SOS1: variants seen among roughly 807,000 people sequenced by gnomAD.
SOS1 encodes the protein son of sevenless homolog 1.
A neutral mutation model predicts 157.6 loss-of-function variants in SOS1; 25 were observed. That is an observed-to-expected ratio of 0.16 (90% confidence interval 0.12 to 0.22). SOS1 has a LOEUF of 0.22. Among genes scored for constraint, SOS1 ranks in the 10% least tolerant of loss-of-function variants. The pLI, the probability that SOS1 is intolerant of heterozygous loss-of-function variation, is 1.00. For synonymous variants in SOS1, 528 were observed against 534.0 expected, an observed-to-expected ratio of 0.99 and a Z score of 0.16; for missense variants, 1,237 against 1,599.1, an observed-to-expected ratio of 0.77 and a Z score of 3.86.
At chr2:38,986,766 TTTTG>T (rs1668573404) in intron 22 of SOS1, among the ~76,000 whole-genome samples, 1 of 152,164 alleles carries the variant, frequency 6.6e-6, no homozygotes, top group African/African-American at 2.4e-5. Context: ...TTCCTCAAAA[TTTTG>T]TTTGCTACTG....
chr2:39,053,981 G>A lies in SOS1; in HGVS notation c.720+633C>T, dbSNP rs575820379. Among the ~76,000 whole-genome samples, 541 of 151,522 alleles carry A rather than the reference G, an allele frequency of 3.6e-3. 4 individuals are homozygous for A. The highest frequency in any genetic ancestry group is 0.012 in the African/African-American group (515 of 41,272). On this transcript the variant is annotated intron_variant, in intron 5 of 22. Transcript: ENST00000402219. ...CTCGCTCTGTCGCCCAGGCTGGAGT[G>A]CAGTGGCGCGATCTCGGCTCACTGC...
intron 21 of SOS1, 140 bp from the exon 22 acceptor site, chr2:38,987,731 G>A (rs1187410674): frequency 1.7e-5 from 11 of 636,204 alleles, no homozygotes; most frequent in South Asian, 1.2e-4. Context: ...AACCAATACC[G>A]AATAGTATTT....
rs1317993786 is a variant in SOS1, at chr2:39,012,264, T to C, written c.2252A>G (p.Asn751Ser). Residue 751 changes from asparagine to serine, a missense_variant, in exon 14 of 23, where the codon AAT becomes AGT. Transcript: ENST00000402219. ...KIARDNGPGH[N>S]ITFQSSPPTV... ...GGGAGGTGAACTCTGAAATGTAATA[T>C]TATGACCTGGTCCATTGTCTCTTGC... 1.2e-6 allele frequency: 2 copies of C among 1,613,572 alleles called. No individual in the cohort carries two copies. Among genetic ancestry groups the C allele is most frequent in the Admixed American group, 1.7e-5 (1 of 60,002 alleles).
chr2:39,106,611 A>AAC (rs1673199403), intron 1 of SOS1, among the ~76,000 whole-genome samples: 1 of 149,080 alleles, frequency 6.7e-6, no homozygotes, highest in East Asian at 1.9e-4. Context: ...ACAAAAAAAA[A>AAC]AACAAAACAT....
intron 1 of SOS1, among the ~76,000 whole-genome samples, chr2:39,106,520 G>A (rs1281302223): frequency 1.3e-5 from 2 of 148,510 alleles, no homozygotes; most frequent in African/African-American, 5.0e-5. Context: ...GAACCCGGGA[G>A]GCGGAGCTTG....
chr2:39,124,650 A>T (rs1259289845), upstream of SOS1, among the ~76,000 whole-genome samples: 3 of 152,216 alleles, frequency 2.0e-5, no homozygotes, highest in Non-Finnish European at 4.4e-5. Context: ...CGAACTTCGG[A>T]CCCAGCTACT....
chr2:39,013,722 AT>A, intron 12 of SOS1, 144 bp downstream of exon 12: 2 of 889,284 alleles, frequency 2.2e-6, no homozygotes, highest in Non-Finnish European at 3.7e-6. Context: ...TTATACTATA[AT>A]TTCTGATAAC....
chr2:39,006,078 G>T (rs561266450), intron 17 of SOS1, among the ~76,000 whole-genome samples: 1 of 152,262 alleles, frequency 6.6e-6, no homozygotes, highest in African/African-American at 2.4e-5. Context: ...ATGTGAAACT[G>T]TTTACAAAAA....
chr2:39,108,792 C>T (rs771808828), intron 1 of SOS1, among the ~76,000 whole-genome samples: 2 of 151,902 alleles, frequency 1.3e-5, no homozygotes, highest in Non-Finnish European at 2.9e-5. Flanking sequence ...ACCTGGGAGG[C>T]TGAGGTGCAA....
intron 8 of SOS1, chr2:39,034,711 A>G (rs2124561257): frequency 2.4e-6 from 1 of 412,436 alleles, no homozygotes; most frequent in East Asian, 7.1e-5. Flanking sequence ...TTCTAAAGTA[A>G]TGATAAACAG....
At chr2:38,993,918 C>G (rs533742697) in intron 20 of SOS1, 3 of 152,088 alleles carry the variant, frequency 2.0e-5, no homozygotes, top group Admixed American at 2.0e-4. Flanking sequence ...GATTTAATAA[C>G]GAACAAATGA....
intron 1 of SOS1, among the ~76,000 whole-genome samples, chr2:39,073,193 C>T (rs190157817): frequency 0.012 from 1,815 of 152,288 alleles, 11 homozygotes; most frequent in Non-Finnish European, 0.017. Flanking sequence ...TCAAATCTTA[C>T]GGCAGTCTTC....
chr2:39,026,127 C>A (rs528380511), intron 8 of SOS1, among the ~76,000 whole-genome samples: 1 of 151,992 alleles, frequency 6.6e-6, no homozygotes, highest in African/African-American at 2.4e-5. Flanking sequence ...GAGGCTGAGG[C>A]GGGGGGATCA....
At chr2:39,021,765 C>G (rs892649881) in intron 10 of SOS1, among the ~76,000 whole-genome samples, 1 of 151,440 alleles carries the variant, frequency 6.6e-6, no homozygotes, top group Non-Finnish European at 1.5e-5. Flanking sequence ...ATCTCTTAAG[C>G]AGAAAAGAAG....
chr2:39,045,567 T>C (rs1670749484), intron 6 of SOS1, among the ~76,000 whole-genome samples: 1 of 152,200 alleles, frequency 6.6e-6, no homozygotes, highest in Non-Finnish European at 1.5e-5. Context: ...TGTGTAATTT[T>C]ATCAGTTAAT....
intron 10 of SOS1, among the ~76,000 whole-genome samples, chr2:39,015,826 T>A (rs1335015429): frequency 1.3e-5 from 2 of 148,720 alleles, no homozygotes; most frequent in Admixed American, 6.7e-5. Context: ...TTTTTTTTTT[T>A]AAGGAGGGGA....
Position 39,096,515 on chromosome 2 carries a change from G to C in SOS1, c.87+23821C>G, listed in dbSNP as rs183317999. Among the ~76,000 whole-genome samples the C allele has an allele frequency of 1.3e-3, 192 of 152,222 alleles. 1 individual carries two copies. The highest frequency in any genetic ancestry group is 4.5e-3 in the African/African-American group (189 of 41,540). On this transcript the variant is annotated intron_variant, in intron 1 of 22. Transcript: ENST00000402219. ...CAAATAGCATTTAGCACAGAATCAA[G>C]TCATTTCAAATATCTTAAGCTTATT...
At chr2:39,043,115 T>C (rs1670630596) in intron 6 of SOS1, among the ~76,000 whole-genome samples, 3 of 152,192 alleles carry the variant, frequency 2.0e-5, no homozygotes. Context: ...ATTATATCTC[T>C]TACAGACTTT....
At chr2:39,034,753 G>C (rs570813339) in intron 8 of SOS1, 70 of 454,382 alleles carry the variant, frequency 1.5e-4, no homozygotes, top group Non-Finnish European at 2.7e-4. Context: ...CTTGAGCTAT[G>C]AAAGTCAGGT....
Sources: gnomAD v4.1 joint callset for allele counts (sites outside exome capture counted in the v4.1 genomes callset) on GRCh38, gnomAD v4.1.1 for gene constraint, MANE v1.5 for transcripts, NCBI Gene and HGNC (gene_info 2026-07-23, HGNC 2026-07-21) for gene names.